RALYL: variants seen among roughly 807,000 people sequenced by gnomAD.
RALYL encodes RNA-binding Raly-like protein.
A neutral mutation model predicts 35.1 loss-of-function variants in RALYL; 29 were observed. The observed-to-expected ratio is 0.83, with a 90% confidence interval of 0.61 to 1.13. RALYL has a LOEUF of 1.13. Among genes scored for constraint, RALYL ranks in the 50% most tolerant of loss-of-function variants. The pLI is 0.00. For missense variants in RALYL, 359 were observed against 360.4 expected, an observed-to-expected ratio of 1.00 and a Z score of 0.03; for synonymous variants, 120 against 127.6, an observed-to-expected ratio of 0.94 and a Z score of 0.40.
chr8:84,312,141 G>A (rs1419457895), intron 1 of RALYL, among the ~76,000 whole-genome samples: 1 of 152,086 alleles, frequency 6.6e-6, no homozygotes, highest in African/African-American at 2.4e-5. Context: ...GCAAGGGCAG[G>A]GGAAATGCCT....
chr8:84,446,706 G>T (rs2048894976), intron 1 of RALYL, among the ~76,000 whole-genome samples: 1 of 152,138 alleles, frequency 6.6e-6, no homozygotes, highest in Non-Finnish European at 1.5e-5. Flanking sequence ...TTTGGTCGTG[G>T]CAGGCTGTGA....
chr8:84,502,519 C>T (rs545445221), intron 1 of RALYL, among the ~76,000 whole-genome samples: 4 of 152,020 alleles, frequency 2.6e-5, no homozygotes, highest in East Asian at 1.9e-4. Flanking sequence ...TAATTAAATG[C>T]TTGTGATAGG....
intron 2 of RALYL, among the ~76,000 whole-genome samples, chr8:84,551,346 A>G (rs1413752776): frequency 1.3e-5 from 2 of 152,164 alleles, no homozygotes; most frequent in African/African-American, 4.8e-5. Context: ...TGGTTTGAAG[A>G]TGGGAATTGT....
intron 1 of RALYL, among the ~76,000 whole-genome samples, chr8:84,363,876 TG>T (rs1337713710): frequency 6.6e-6 from 1 of 152,156 alleles, no homozygotes; most frequent in Non-Finnish European, 1.5e-5. Context: ...CCAATACTGG[TG>T]TAAAAGCAGT....
chr8:84,461,305 C>T (rs2050742664), intron 1 of RALYL, among the ~76,000 whole-genome samples: 1 of 151,518 alleles, frequency 6.6e-6, no homozygotes, highest in African/African-American at 2.4e-5. Context: ...GAACTTTTAT[C>T]TGTTATCATA....
At chr8:84,882,447 T>C (rs540429508) in intron 7 of RALYL, among the ~76,000 whole-genome samples, 1 of 152,152 alleles carries the variant, frequency 6.6e-6, no homozygotes, top group East Asian at 1.9e-4. Flanking sequence ...GGGATTGTCA[T>C]GTAGAATGTG....
At chr8:84,736,495 T>C (rs953129665) in intron 2 of RALYL, among the ~76,000 whole-genome samples, 3 of 152,034 alleles carry the variant, frequency 2.0e-5, no homozygotes, top group Non-Finnish European at 1.5e-5. Context: ...CAATATAAGC[T>C]ACACATGCAA....
At chr8:84,598,293 C>T (rs79034448) in intron 2 of RALYL, among the ~76,000 whole-genome samples, 168 of 152,230 alleles carry the variant, frequency 1.1e-3, no homozygotes, top group African/African-American at 3.9e-3. Flanking sequence ...CTTAGCCTCC[C>T]GCTACAGATG....
rs529390302 is a variant in RALYL, at chr8:84,388,749, G to C, written c.-23-140550G>C. 2.2e-4 allele frequency among the ~76,000 whole-genome samples: 34 copies of C among 152,102 alleles called. 1 individual carries two copies. In the South Asian group the frequency reaches 6.8e-3, roughly 31 times the overall value. On this transcript the variant is annotated intron_variant, in intron 1 of 8. Transcript: ENST00000521268. ...TGTAGATTCTGGATATTAGCCCTTT[G>C]TCAGATGAGTAGGTTGTGAAGATTT...
intron 1 of RALYL, among the ~76,000 whole-genome samples, chr8:84,281,709 G>A (rs1836602466): frequency 6.6e-6 from 1 of 151,758 alleles, no homozygotes; most frequent in Non-Finnish European, 1.5e-5. Flanking sequence ...GTATGTGTAT[G>A]TGTGTGTGCA....
intron 2 of RALYL, among the ~76,000 whole-genome samples, chr8:84,653,258 G>T (rs1188507085): frequency 2.0e-5 from 3 of 152,054 alleles, no homozygotes; most frequent in South Asian, 4.2e-4. Flanking sequence ...AACAAAATAG[G>T]TTATTTCTAG....
intron 2 of RALYL, among the ~76,000 whole-genome samples, chr8:84,557,022 G>T (rs546753295): frequency 2.6e-4 from 40 of 152,238 alleles, no homozygotes; most frequent in Middle Eastern, 3.4e-3. Flanking sequence ...AGATACAGCC[G>T]CAGATCTGAA....
chr8:84,915,855 G>C (rs567518359), intron 8 of RALYL, among the ~76,000 whole-genome samples: 2 of 152,018 alleles, frequency 1.3e-5, no homozygotes, highest in African/African-American at 2.4e-5. Context: ...TGTGATTTCA[G>C]TTAAATGAAA....
chr8:84,793,813 C>T (rs1041241432), intron 3 of RALYL, among the ~76,000 whole-genome samples: 6 of 152,096 alleles, frequency 3.9e-5, no homozygotes, highest in African/African-American at 1.2e-4. Context: ...GGTGGGAAAG[C>T]TTGGTTAGAG....
chr8:84,415,786 T>G (rs2044634170), intron 1 of RALYL, among the ~76,000 whole-genome samples: 1 of 152,214 alleles, frequency 6.6e-6, no homozygotes, highest in Admixed American at 6.5e-5. Flanking sequence ...TGTATATGTG[T>G]ATATTTATGT....
At chr8:84,501,516 G>A (rs768554912) in intron 1 of RALYL, among the ~76,000 whole-genome samples, 15 of 151,974 alleles carry the variant, frequency 9.9e-5, no homozygotes, top group Non-Finnish European at 2.2e-4. Flanking sequence ...ATTCTGTGAT[G>A]TCATGGTCAT....
intron 1 of RALYL, among the ~76,000 whole-genome samples, chr8:84,209,960 A>G (rs995182727): frequency 7.9e-5 from 12 of 152,102 alleles, no homozygotes; most frequent in Admixed American, 2.6e-4. Flanking sequence ...CAACCTATGT[A>G]GTGTGATTAT....
chr8:84,787,870 T>A (rs1167990592), intron 3 of RALYL, among the ~76,000 whole-genome samples: 1 of 152,144 alleles, frequency 6.6e-6, no homozygotes, highest in Non-Finnish European at 1.5e-5. Context: ...GATGGGGTTG[T>A]TTTTTTCTTG....
intron 2 of RALYL, among the ~76,000 whole-genome samples, chr8:84,744,877 T>C (rs938482882): frequency 6.6e-6 from 1 of 151,810 alleles, no homozygotes; most frequent in South Asian, 2.1e-4. Context: ...AGTTTTGCTA[T>C]AATATTTGTT....
Sources: gnomAD v4.1 joint callset for allele counts (sites outside exome capture counted in the v4.1 genomes callset) on GRCh38, gnomAD v4.1.1 for gene constraint, MANE v1.5 for transcripts, NCBI Gene and HGNC (gene_info 2026-07-23, HGNC 2026-07-21) for gene names.